The following COL4A1 variants were observed in gnomAD, a reference collection of about 807,000 sequenced individuals.
COL4A1 encodes collagen alpha-1(IV) chain.
COL4A1 carries 40 observed loss-of-function variants against 216.6 expected under a neutral mutation model. The observed-to-expected ratio is 0.18, with a 90% CI of 0.14 to 0.24. The LOEUF is 0.24. Among genes scored for constraint, COL4A1 ranks in the 10% least tolerant of loss-of-function variants. The probability of loss-of-function intolerance (pLI) is 1.00; values close to 1 mark genes in which losing one functional copy is unlikely to be tolerated. For synonymous variants in COL4A1, 839 were observed against 810.7 expected (o/e 1.03, Z -0.59); for missense variants, 1,628 against 2,196.8 (o/e 0.74, Z 5.18).
intron 30 of COL4A1, 48 bp from the exon 31 acceptor site, chr13:110,179,084 C>T (rs370898899): frequency 3.2e-6 from 5 of 1,578,192 alleles, no homozygotes; most frequent in Non-Finnish European, 4.3e-6. Flanking sequence ...AGTGGCACGT[C>T]TCCCGGCCTA....
chr13:110,295,442 T>G (rs2139316724), intron 1 of COL4A1, among the ~76,000 whole-genome samples: 1 of 148,928 alleles, frequency 6.7e-6, no homozygotes, highest in East Asian at 2.0e-4. Context: ...TTTTTTTTTT[T>G]TTGACAAAGT....
At chr13:110,219,709 T>TATATGTATATAC (rs1880306721) in intron 2 of COL4A1, among the ~76,000 whole-genome samples, 2 of 116,732 alleles carry the variant, frequency 1.7e-5, no homozygotes, top group African/African-American at 6.9e-5. Context: ...TGTATATACA[T>TATATGTATATAC]ATGTGTATAT....
intron 18 of COL4A1, 54 bp from the exon 19 acceptor site, chr13:110,201,576 G>T: frequency 7.1e-7 from 1 of 1,412,708 alleles, no homozygotes; most frequent in Non-Finnish European, 1.0e-6. Flanking sequence ...GGCTAGTCCT[G>T]TATAGTAAAG....
At chr13:110,280,130 C>T (rs1594112640) in intron 1 of COL4A1, among the ~76,000 whole-genome samples, 2 of 152,324 alleles carry the variant, frequency 1.3e-5, no homozygotes, top group East Asian at 1.9e-4. Context: ...ATGAAGTTTG[C>T]CACGTATAAA....
At chr13:110,247,799 G>GTA (rs1451794917) in intron 1 of COL4A1, among the ~76,000 whole-genome samples, 25 of 122,370 alleles carry the variant, frequency 2.0e-4, no homozygotes, top group Non-Finnish European at 4.3e-4. Context: ...TCGTGTGTGT[G>GTA]TGTGTGTGTG....
intron 1 of COL4A1, among the ~76,000 whole-genome samples, chr13:110,292,148 T>C (rs1218894700): frequency 6.6e-6 from 1 of 152,222 alleles, no homozygotes; most frequent in Non-Finnish European, 1.5e-5. Context: ...CAAATTTAGC[T>C]CTATTCTTAT....
intron 2 of COL4A1, among the ~76,000 whole-genome samples, chr13:110,215,132 G>A (rs571026730): frequency 4.1e-4 from 63 of 152,280 alleles, no homozygotes; most frequent in Middle Eastern, 3.4e-3. Context: ...CCTCCAAGAC[G>A]TCTTCCTCTT....
At chr13:110,265,876 TA>T (rs983963997) in intron 1 of COL4A1, 1 of 152,134 alleles carries the variant, frequency 6.6e-6, no homozygotes, top group Non-Finnish European at 1.5e-5. Flanking sequence ...CACTGAACAC[TA>T]GACTCTAAGA....
chr13:110,293,114 C>A (rs1355286301), intron 1 of COL4A1, among the ~76,000 whole-genome samples: 3 of 152,228 alleles, frequency 2.0e-5, no homozygotes, highest in African/African-American at 7.2e-5. Flanking sequence ...GGTCACCGTG[C>A]AGGAACACTT....
At chr13:110,246,039 A>G (rs1881793003) in intron 1 of COL4A1, among the ~76,000 whole-genome samples, 1 of 152,146 alleles carries the variant, frequency 6.6e-6, no homozygotes, top group Admixed American at 6.5e-5. Flanking sequence ...TGATCATTCC[A>G]AAAATATCTA....
chr13:110,300,657 T>C (rs1389411600), intron 1 of COL4A1, among the ~76,000 whole-genome samples: 1 of 152,204 alleles, frequency 6.6e-6, no homozygotes, highest in African/African-American at 2.4e-5. Flanking sequence ...GACATCAAAC[T>C]GGATGCTTCC....
At position 110,252,373 on chromosome 13, in the gene COL4A1, T is replaced by C. The variant is rs1452959292; in HGVS notation, c.85-9639A>G. Reference sequence around the variant, plus strand: ...CCATCTACAATCTCCAAATTTATAATAACATTTAATTTTAAAGCATGTTTC... The same window carrying C: ...CCATCTACAATCTCCAAATTTATAACAACATTTAATTTTAAAGCATGTTTC... On this transcript the variant is annotated intron_variant, in intron 1 of 51. Coordinates refer to ENST00000375820, the MANE Select transcript of COL4A1 (RefSeq NM_001845.6). 4.0e-5 allele frequency among the ~76,000 whole-genome samples: 6 copies of C among 151,112 alleles called. No individual in the cohort carries two copies. The East Asian group carries it at 7.8e-4, about 20-fold the overall frequency.
chr13:110,195,541 C>A (rs575833306), intron 21 of COL4A1, among the ~76,000 whole-genome samples: 2 of 152,090 alleles, frequency 1.3e-5, no homozygotes, highest in Non-Finnish European at 2.9e-5. Flanking sequence ...CTTTTTTCCC[C>A]CTCTAACCCA....
chr13:110,287,764 C>T (rs1883899817), intron 1 of COL4A1, among the ~76,000 whole-genome samples: 1 of 152,218 alleles, frequency 6.6e-6, no homozygotes, highest in African/African-American at 2.4e-5. Flanking sequence ...GAGAGCCCAA[C>T]ACTGGTGTTT....
chr13:110,302,273 G>A (rs905877326), intron 1 of COL4A1, among the ~76,000 whole-genome samples: 1 of 152,202 alleles, frequency 6.6e-6, no homozygotes, highest in Non-Finnish European at 1.5e-5. Flanking sequence ...AGGGTTGTCA[G>A]TCCAGGTAAA....
intron 2 of COL4A1, among the ~76,000 whole-genome samples, chr13:110,228,889 GA>G (rs1247454045): frequency 6.6e-6 from 1 of 152,172 alleles, no homozygotes; most frequent in Non-Finnish European, 1.5e-5. Flanking sequence ...TTAGCGAATG[GA>G]AAAAACCACA....
At chr13:110,258,998 C>T (rs1010857035) in intron 1 of COL4A1, among the ~76,000 whole-genome samples, 2 of 152,224 alleles carry the variant, frequency 1.3e-5, no homozygotes, top group Non-Finnish European at 2.9e-5. Flanking sequence ...CCTGAGCAAC[C>T]TATGGGATCC....
chr13:110,161,408 T>C, intron 48 of COL4A1, 39 bp from the exon 49 acceptor site: 2 of 1,565,158 alleles, frequency 1.3e-6, no homozygotes, highest in Non-Finnish European at 1.7e-6. Context: ...GTTTCCTTTA[T>C]AATTCACAAT....
chr13:110,187,969 G>A (rs530447983), intron 24 of COL4A1, among the ~76,000 whole-genome samples: 1 of 152,286 alleles, frequency 6.6e-6, no homozygotes, highest in South Asian at 2.1e-4. Context: ...TGGGCACTGG[G>A]CCAGCTCTAA....
Sources: gnomAD v4.1 joint callset for allele counts (sites outside exome capture counted in the v4.1 genomes callset) on GRCh38, gnomAD v4.1.1 for gene constraint, MANE v1.5 for transcripts, NCBI Gene and HGNC (gene_info 2026-07-23, HGNC 2026-07-21) for gene names.